The following DLC1 variants were observed in gnomAD, a reference collection of about 807,000 sequenced individuals.
DLC1 encodes the protein rho GTPase-activating protein 7.
A neutral mutation model predicts 140.3 loss-of-function variants in DLC1; 54 were observed. The observed-to-expected ratio is 0.38, with a 90% CI of 0.31 to 0.48. DLC1 has a LOEUF of 0.48. Ranked by LOEUF, DLC1 falls within the 20% of genes least tolerant of loss-of-function variation. The pLI, the probability that DLC1 is intolerant of heterozygous loss-of-function variation, is 0.96. For missense variants in DLC1, 2,536 were observed against 1,907.0 expected (o/e 1.33, Z -6.14); for synonymous variants, 986 against 728.1 (o/e 1.35, Z -5.70).
intron 2 of DLC1, among the ~76,000 whole-genome samples, chr8:13,444,877 AGTG>A (rs1180041464): frequency 4.6e-5 from 7 of 152,224 alleles, no homozygotes; most frequent in Admixed American, 2.0e-4. Context: ...TACACAAAAA[AGTG>A]TAAGTGTTAA....
intron 2 of DLC1, among the ~76,000 whole-genome samples, chr8:13,462,996 G>C (rs992858): frequency 0.014 from 2,055 of 152,076 alleles, 12 homozygotes; most frequent in Middle Eastern, 0.024. Context: ...TAAAACTTTG[G>C]AATCACAGGC....
intron 4 of DLC1, among the ~76,000 whole-genome samples, chr8:13,382,501 G>A (rs1230883894): frequency 1.1e-4 from 2 of 18,260 alleles, no homozygotes; most frequent in African/African-American, 5.6e-4. Context: ...GCGAGACTCC[G>A]TCTCAAAAAA....
intron 4 of DLC1, among the ~76,000 whole-genome samples, chr8:13,379,878 A>G (rs1216794412): frequency 6.6e-6 from 1 of 152,186 alleles, no homozygotes; most frequent in African/African-American, 2.4e-5. Context: ...CATCATTCTC[A>G]GCAAACTAAC....
chr8:13,285,947 C>T (rs974719145), intron 5 of DLC1, among the ~76,000 whole-genome samples: 1 of 152,030 alleles, frequency 6.6e-6, no homozygotes, highest in African/African-American at 2.4e-5. Context: ...CTACTTGGTA[C>T]ATGAGAGAAT....
Position 13,092,814 on chromosome 8 carries a change from C to G in DLC1, c.3538G>C (p.Asp1180His). 1 of 1,613,190 alleles carries G rather than the reference C, an allele frequency of 6.2e-7. No homozygotes were observed. The highest frequency in any genetic ancestry group is 1.1e-5 in the South Asian group (1 of 90,922). Reference protein sequence around the residue: ...FLQIYQYVPKDQRLQAIKAAI... With the variant: ...FLQIYQYVPKHQRLQAIKAAI... ...GCCTTGATGGCCTGCAGGCGCTGGTCCTTGGGCACATCTGCACGACACCAG... is the reference window on the plus strand; with the variant it reads ...GCCTTGATGGCCTGCAGGCGCTGGTGCTTGGGCACATCTGCACGACACCAG... The change falls in exon 13 of 18, where the codon GAC becomes CAC. Residue 1180 changes from aspartate (D) to histidine (H), a missense_variant. Asp to His is a moderately conservative substitution (Grantham distance 81, BLOSUM62 -1). Transcript: ENST00000276297.
At chr8:13,598,070 C>T (rs1338948800) in intron 1 of DLC1, among the ~76,000 whole-genome samples, 1 of 151,546 alleles carries the variant, frequency 6.6e-6, no homozygotes, top group Admixed American at 6.6e-5. Context: ...CGCCACTAGG[C>T]TTCAGTTTTC....
chr8:13,496,575 T>C (rs1387079934), intron 2 of DLC1, among the ~76,000 whole-genome samples: 1 of 128,508 alleles, frequency 7.8e-6, no homozygotes, highest in Non-Finnish European at 1.8e-5. Context: ...TTCATATATA[T>C]ATACACACAC....
chr8:13,407,810 G>C (rs1416932199), intron 2 of DLC1, among the ~76,000 whole-genome samples: 1 of 152,154 alleles, frequency 6.6e-6, no homozygotes, highest in Non-Finnish European at 1.5e-5. Context: ...GTGAAAGAAA[G>C]GGACCTTTTA....
chr8:13,429,154 A>T (rs1380369688), intron 2 of DLC1, among the ~76,000 whole-genome samples: 1 of 152,240 alleles, frequency 6.6e-6, no homozygotes, highest in Non-Finnish European at 1.5e-5. Context: ...GGTTTATCAA[A>T]CACCTGTATC....
chr8:13,267,259 T>C (rs985145352), intron 5 of DLC1, among the ~76,000 whole-genome samples: 1 of 152,192 alleles, frequency 6.6e-6, no homozygotes, highest in Non-Finnish European at 1.5e-5. Context: ...AAAAAAGTTA[T>C]ATTTTAAATA....
chr8:13,487,736 C>A (rs371244393), intron 2 of DLC1, among the ~76,000 whole-genome samples: 1 of 152,128 alleles, frequency 6.6e-6, no homozygotes, highest in East Asian at 1.9e-4. Context: ...CCATGTCCGG[C>A]TAATTTTTGT....
intron 4 of DLC1, among the ~76,000 whole-genome samples, chr8:13,320,287 T>C (rs1459682599): frequency 2.0e-5 from 3 of 152,228 alleles, no homozygotes; most frequent in Non-Finnish European, 2.9e-5. Context: ...TTTGGTCTTA[T>C]GATTTCTGCT....
At chr8:13,195,980 A>T (rs1438097541) in intron 5 of DLC1, among the ~76,000 whole-genome samples, 1 of 152,188 alleles carries the variant, frequency 6.6e-6, no homozygotes, top group Non-Finnish European at 1.5e-5. Context: ...AAGAAGAGAA[A>T]AGAAATAATG....
At chr8:13,240,975 G>A (rs1340796998) in intron 5 of DLC1, among the ~76,000 whole-genome samples, 1 of 152,140 alleles carries the variant, frequency 6.6e-6, no homozygotes, top group African/African-American at 2.4e-5. Context: ...AGAGAGCAAG[G>A]AAGGCCAAAG....
At chr8:13,288,617 G>A (rs1831629029) in intron 5 of DLC1, among the ~76,000 whole-genome samples, 1 of 152,170 alleles carries the variant, frequency 6.6e-6, no homozygotes, top group Non-Finnish European at 1.5e-5. Flanking sequence ...AGCTGTTACT[G>A]CTTATCTTGC....
intron 5 of DLC1, among the ~76,000 whole-genome samples, chr8:13,227,620 G>A (rs942787267): frequency 1.3e-5 from 2 of 152,088 alleles, no homozygotes; most frequent in Admixed American, 1.3e-4. Flanking sequence ...ACATACACTC[G>A]ACCCCTTCAC....
rs866186151 is a variant in DLC1, at chr8:13,154,440, G to A, written c.1349-38783C>T. On this transcript the variant is annotated intron_variant, in intron 5 of 17. Transcript: ENST00000276297. The stretch of plus-strand genomic sequence containing the variant: ...GCCCCCTCCGCAGCTGCTGGCCTGC[G>A]TGCTAAGCCCCTTACTGCCCAGGGC... Among the ~76,000 whole-genome samples the A allele has an allele frequency of 5.9e-5, 9 of 152,352 alleles. No individual in the cohort carries two copies. In the East Asian group the frequency reaches 7.7e-4, roughly 13 times the overall value.
intron 5 of DLC1, among the ~76,000 whole-genome samples, chr8:13,155,851 A>G (rs552978527): frequency 1.3e-5 from 2 of 152,236 alleles, no homozygotes; most frequent in Non-Finnish European, 2.9e-5. Context: ...CCGAAAGCTC[A>G]TAAAGTGAAA....
chr8:13,101,110 T>C (rs1787747329), intron 8 of DLC1, among the ~76,000 whole-genome samples: 1 of 152,122 alleles, frequency 6.6e-6, no homozygotes, highest in African/African-American at 2.4e-5. Context: ...GTAGTCTTAC[T>C]ATGCTGCCTA....
Sources: gnomAD v4.1 joint callset for allele counts (sites outside exome capture counted in the v4.1 genomes callset) on GRCh38, gnomAD v4.1.1 for gene constraint, MANE v1.5 for transcripts, NCBI Gene and HGNC (gene_info 2026-07-23, HGNC 2026-07-21) for gene names.